PDK1: variants seen among roughly 807,000 people sequenced by gnomAD.
The protein encoded by PDK1 is pyruvate dehydrogenase kinase 1, also known as [Pyruvate dehydrogenase (acetyl-transferring)] kinase isozyme 1, mitochondrial.
A neutral mutation model predicts 54.2 loss-of-function variants in PDK1; 39 were observed. The observed-to-expected ratio is 0.72, with a 90% CI of 0.56 to 0.94. The LOEUF (loss-of-function observed/expected upper bound fraction) is 0.94, where lower values mean the gene tolerates loss of function less well. PDK1 is among the 40% of genes least tolerant of loss of function. PDK1 has a pLI of 0.00. For synonymous variants in PDK1, 221 were observed against 207.1 expected (o/e 1.07, Z -0.58); for missense variants, 552 against 566.0 (o/e 0.98, Z 0.25).
rs1199395087 is a variant in PDK1, at chr2:172,586,287, C to T, written c.955C>T (p.Arg319Ter). ...CCTTTTCTTACCTTAGATGAGTGACCGAGGAGGTGGCGTTCCTTTGAGGAA... is the reference window on the plus strand; with the variant it reads ...CCTTTTCTTACCTTAGATGAGTGACTGAGGAGGTGGCGTTCCTTTGAGGAA... The part of the protein sequence containing the change: ...NEDLTVKMSD[R>*]GGGVPLRKID... The change falls in exon 9 of 11, where the codon CGA becomes TGA. Residue 319 changes from arginine (R) to a stop codon, truncating the protein, a stop_gained. Transcript: ENST00000282077. LOFTEE classifies it high-confidence loss of function. 14 of 1,606,866 alleles carry T rather than the reference C, an allele frequency of 8.7e-6. No homozygotes were observed. Among genetic ancestry groups the T allele is most frequent in the Admixed American group, 1.7e-5 (1 of 59,950 alleles).
the PDK1 span, among the ~76,000 whole-genome samples, chr2:172,616,055 G>C: frequency 6.6e-6 from 1 of 152,182 alleles, no homozygotes; most frequent in African/African-American, 2.4e-5. Context: ...TACAAATTAA[G>C]ACCACATTGA....
At chr2:172,620,855 A>G in the PDK1 span, among the ~76,000 whole-genome samples, 1 of 152,204 alleles carries the variant, frequency 6.6e-6, no homozygotes, top group Non-Finnish European at 1.5e-5. Context: ...TGCTTCCTGT[A>G]CAGCCTGCAG....
chr2:172,685,069 G>C, the PDK1 span, among the ~76,000 whole-genome samples: 1 of 152,134 alleles, frequency 6.6e-6, no homozygotes, highest in African/African-American at 2.4e-5. Flanking sequence ...GAAGGCGCTT[G>C]CTTCCCCTTC....
At chr2:172,638,630 G>A in the PDK1 span, among the ~76,000 whole-genome samples, 1 of 152,186 alleles carries the variant, frequency 6.6e-6, no homozygotes. Flanking sequence ...GTCGGGTGGG[G>A]ACTTGGAGAA....
At chr2:172,662,798 A>G in the PDK1 span, among the ~76,000 whole-genome samples, 4 of 152,152 alleles carry the variant, frequency 2.6e-5, no homozygotes, top group South Asian at 8.3e-4. Flanking sequence ...AGGTGCATGC[A>G]TGACTAGGCC....
intron 8 of PDK1, among the ~76,000 whole-genome samples, chr2:172,572,900 G>T (rs1029473261): frequency 6.6e-6 from 1 of 152,058 alleles, no homozygotes; most frequent in African/African-American, 2.4e-5. Flanking sequence ...CTTTCACTTA[G>T]TATAATGTTA....
At chr2:172,556,836 A>G (rs1688361518) in intron 1 of PDK1, among the ~76,000 whole-genome samples, 2 of 152,238 alleles carry the variant, frequency 1.3e-5, no homozygotes, top group South Asian at 2.1e-4. Flanking sequence ...CCAGTGGCTT[A>G]AAACTGTTGG....
rs766053872 is a variant in PDK1, at chr2:172,570,741, A to G, written c.862A>G (p.Thr288Ala). Residue 288 changes from threonine to alanine, a missense_variant, in exon 8 of 11, where the codon ACT (threonine) becomes GCT (alanine). By Grantham distance (58) the Thr-to-Ala change is moderately conservative. Coordinates refer to ENST00000282077, the MANE Select transcript of PDK1 (RefSeq NM_002610.5). ...FELFKNAMRATMEHHANRGVY... is the reference protein window; with the variant it reads ...FELFKNAMRAAMEHHANRGVY... ...TGTATTTCAGAATGCAATGAGAGCC[A>G]CTATGGAACACCATGCCAACAGAGG... 6.2e-7 allele frequency: 1 copy of G among 1,601,266 alleles called. No individual in the cohort carries two copies. The highest frequency in any genetic ancestry group is 2.2e-5 in the East Asian group (1 of 44,796).
At chr2:172,656,214 G>A in the PDK1 span, among the ~76,000 whole-genome samples, 1 of 152,136 alleles carries the variant, frequency 6.6e-6, no homozygotes, top group Admixed American at 6.5e-5. Context: ...ACGATTTACT[G>A]AGCCTCCATA....
At chr2:172,623,134 A>G in the PDK1 span, among the ~76,000 whole-genome samples, 1 of 151,628 alleles carries the variant, frequency 6.6e-6, no homozygotes, top group African/African-American at 2.4e-5. Flanking sequence ...TGGGTGACAG[A>G]GTGAGACTGT....
At chr2:172,631,233 A>G in the PDK1 span, among the ~76,000 whole-genome samples, 2,605 of 152,234 alleles carry the variant, frequency 0.017, 71 homozygotes, top group African/African-American at 0.059. Context: ...ATTCTTTTCT[A>G]TTTCATTCCA....
At chr2:172,620,081 G>T in the PDK1 span, among the ~76,000 whole-genome samples, 1 of 152,202 alleles carries the variant, frequency 6.6e-6, no homozygotes, top group Non-Finnish European at 1.5e-5. Context: ...CAGGAGAATT[G>T]CTTGAGCCTG....
chr2:172,592,766 A>T (rs1690673200), intron 9 of PDK1, among the ~76,000 whole-genome samples, 169 bp from the exon 10 acceptor site: 1 of 152,182 alleles, frequency 6.6e-6, no homozygotes. Flanking sequence ...ACTCAAGTAA[A>T]CCTCAGCTTA....
At chr2:172,612,759 C>T (rs28537209), downstream of PDK1, among the ~76,000 whole-genome samples, 20,871 of 151,998 alleles carry the variant, frequency 0.14, 1,629 homozygotes, top group African/African-American at 0.19. Context: ...CCTCTGCCTC[C>T]TGGGTTCAAG....
chr2:172,588,659 C>T lies in PDK1; in HGVS notation c.1056+2271C>T, dbSNP rs147235682. Among the ~76,000 whole-genome samples the T allele has an allele frequency of 6.6e-5, 10 of 152,316 alleles. No homozygotes were observed. The East Asian group carries it at 1.7e-3, about 26-fold the overall frequency. On this transcript the variant is annotated intron_variant, in intron 9 of 10. Transcript: ENST00000282077. The stretch of plus-strand genomic sequence containing the variant: ...TGCAGAGCCTCCTTTCTGCTGACAT[C>T]GCTTTGTAGATGGTCCCAGTCAGCA...
intron 8 of PDK1, among the ~76,000 whole-genome samples, chr2:172,585,185 G>T (rs545305123): frequency 1.3e-5 from 2 of 151,548 alleles, no homozygotes; most frequent in Admixed American, 1.3e-4. Context: ...TTTTTGTAGC[G>T]ATGGGGTCTT....
the PDK1 span, among the ~76,000 whole-genome samples, chr2:172,686,741 C>T: frequency 1.2e-4 from 18 of 152,228 alleles, no homozygotes; most frequent in Non-Finnish European, 2.1e-4. Flanking sequence ...CTGCAAAGGT[C>T]TGCAGCTTCA....
chr2:172,628,125 T>C, the PDK1 span, among the ~76,000 whole-genome samples: 8 of 152,192 alleles, frequency 5.3e-5, no homozygotes, highest in Admixed American at 5.2e-4. Flanking sequence ...GTAACCTTGA[T>C]TTATGGTTTT....
chr2:172,673,168 A>C, the PDK1 span, among the ~76,000 whole-genome samples: 2 of 152,198 alleles, frequency 1.3e-5, no homozygotes, highest in Non-Finnish European at 2.9e-5. Flanking sequence ...CTATGTTGGC[A>C]TACTTCCCGG....
Sources: gnomAD v4.1 joint callset for allele counts (sites outside exome capture counted in the v4.1 genomes callset) on GRCh38, gnomAD v4.1.1 for gene constraint, MANE v1.5 for transcripts, NCBI Gene and HGNC (gene_info 2026-07-23, HGNC 2026-07-21) for gene names.